Variants in MYO9B observed in about 807,000 individuals in gnomAD.
MYO9B encodes the protein unconventional myosin-IXb.
MYO9B carries 71 observed loss-of-function variants against 229.5 expected under a neutral mutation model. The observed-to-expected ratio is 0.31, with a 90% CI of 0.26 to 0.38. MYO9B has a LOEUF of 0.38. Among genes scored for constraint, MYO9B ranks in the 10% least tolerant of loss-of-function variants. The pLI is 1.00. For synonymous variants in MYO9B, 1,185 were observed against 1,235.8 expected, an observed-to-expected ratio of 0.96 and a Z score of 0.86; for missense variants, 2,255 against 2,920.5, an observed-to-expected ratio of 0.77 and a Z score of 5.25.
intron 2 of MYO9B, among the ~76,000 whole-genome samples, chr19:17,133,749 A>G (rs997581605): frequency 4.0e-5 from 6 of 148,634 alleles, no homozygotes; most frequent in Non-Finnish European, 8.9e-5. Flanking sequence ...CCACAGCACC[A>G]GCCCTACTTT....
chr19:17,113,554 G>A (rs578011094), intron 2 of MYO9B, among the ~76,000 whole-genome samples: 170 of 152,290 alleles, frequency 1.1e-3, no homozygotes, highest in African/African-American at 3.9e-3. Flanking sequence ...ACAGGCAGGC[G>A]TGTGTGGAAG....
At chr19:17,114,780 G>A (rs2057884517) in intron 2 of MYO9B, among the ~76,000 whole-genome samples, 1 of 151,984 alleles carries the variant, frequency 6.6e-6, no homozygotes, top group South Asian at 2.1e-4. Flanking sequence ...TGTGGCTCAG[G>A]TCTCGCTCCT....
At chr19:17,210,153 A>G (rs1350837779) in intron 36 of MYO9B, among the ~76,000 whole-genome samples, 180 bp from the exon 37 acceptor site, 3 of 152,048 alleles carry the variant, frequency 2.0e-5, no homozygotes, top group African/African-American at 4.8e-5. Flanking sequence ...CCACGGGGAA[A>G]TGTTCCCATA....
intron 1 of MYO9B, among the ~76,000 whole-genome samples, chr19:17,076,301 C>T (rs868172806): frequency 6.6e-6 from 1 of 151,648 alleles, no homozygotes; most frequent in Non-Finnish European, 1.5e-5. Context: ...GATCTGGGGA[C>T]GTCTGCCCGC....
chr19:17,077,562 G>A (rs2057497577), intron 1 of MYO9B, among the ~76,000 whole-genome samples: 1 of 152,190 alleles, frequency 6.6e-6, no homozygotes, highest in African/African-American at 2.4e-5. Context: ...GGCCAAGCAG[G>A]GTCTTGTGGG....
At chr19:17,107,215 CAG>C (rs2057800592) in intron 2 of MYO9B, among the ~76,000 whole-genome samples, 2 of 152,126 alleles carry the variant, frequency 1.3e-5, no homozygotes, top group African/African-American at 4.8e-5. Context: ...GCCTGGGTGA[CAG>C]AGCAAGACCC....
intron 38 of MYO9B, 115 bp from the exon 39 acceptor site, chr19:17,211,532 G>T (rs2073229109): frequency 1.0e-6 from 1 of 962,166 alleles, no homozygotes; most frequent in Non-Finnish European, 1.5e-6. Context: ...GCTTGGGGTG[G>T]GGGGAGGTTG....
chr19:17,121,463 A>G (rs191109935), intron 2 of MYO9B, among the ~76,000 whole-genome samples: 3 of 150,002 alleles, frequency 2.0e-5, no homozygotes, highest in East Asian at 3.9e-4. Context: ...ATATATATAT[A>G]TCCAAGAGCT....
At chr19:17,112,456 G>A (rs927705424) in intron 2 of MYO9B, among the ~76,000 whole-genome samples, 4 of 152,206 alleles carry the variant, frequency 2.6e-5, no homozygotes, top group African/African-American at 9.6e-5. Flanking sequence ...GGGCCGGCTG[G>A]CGGGGGCCCT....
At chr19:17,198,015 C>A in intron 23 of MYO9B, 157 bp downstream of exon 23, 1 of 1,315,004 alleles carries the variant, frequency 7.6e-7, no homozygotes, top group South Asian at 1.4e-5. Flanking sequence ...CCTCGCGAGA[C>A]CAGGCCACTG....
intron 2 of MYO9B, among the ~76,000 whole-genome samples, chr19:17,144,220 ATAATAT>A (rs1281954081): frequency 1.3e-5 from 2 of 152,144 alleles, no homozygotes; most frequent in South Asian, 4.1e-4. Context: ...CATCTCAAAA[ATAATAT>A]TAAAAGGTTA....
chr19:17,097,381 G>GTAAAAA (rs558384568), intron 1 of MYO9B, among the ~76,000 whole-genome samples: 25 of 150,052 alleles, frequency 1.7e-4, no homozygotes, highest in South Asian at 1.5e-3. Context: ...ATCTTAGATA[G>GTAAAAA]TAAAAATAAA....
chr19:17,132,540 T>TGAGACAGAG, intron 2 of MYO9B, among the ~76,000 whole-genome samples: 1 of 140,290 alleles, frequency 7.1e-6, no homozygotes, highest in Admixed American at 7.2e-5. Context: ...TTTTTTTTTT[T>TGAGACAGAG]TTTTTTGAGA....
chr19:17,115,872 C>G (rs923175022), intron 2 of MYO9B, among the ~76,000 whole-genome samples: 3 of 151,784 alleles, frequency 2.0e-5, no homozygotes, highest in African/African-American at 7.3e-5. Flanking sequence ...GCTGGAATCT[C>G]TGCATTTGTA....
At chr19:17,103,748 G>A (rs2057767495) in intron 2 of MYO9B, 2 of 152,162 alleles carry the variant, frequency 1.3e-5, no homozygotes, top group Admixed American at 6.6e-5. Flanking sequence ...CCAGATGTCA[G>A]AGCATCAGAA....
intron 1 of MYO9B, chr19:17,095,880 A>T (rs916041157): frequency 1.3e-5 from 2 of 152,116 alleles, no homozygotes; most frequent in Non-Finnish European, 2.9e-5. Context: ...CTCCCGCCTC[A>T]GCCTCCTAAG....
intron 2 of MYO9B, among the ~76,000 whole-genome samples, chr19:17,140,512 G>A (rs1276210137): frequency 8.6e-5 from 13 of 151,040 alleles, no homozygotes; most frequent in African/African-American, 2.4e-4. Context: ...TTTTTGAGAT[G>A]GAGTTCACTC....
At chr19:17,085,039 G>A (rs116338776) in intron 1 of MYO9B, among the ~76,000 whole-genome samples, 5,143 of 152,200 alleles carry the variant, frequency 0.034, 104 homozygotes, top group Middle Eastern at 0.065. Flanking sequence ...AGACCTACAG[G>A]TCAAGCCCGT....
chr19:17,151,795 G>A (rs937055814), intron 3 of MYO9B, among the ~76,000 whole-genome samples: 6 of 152,154 alleles, frequency 3.9e-5, no homozygotes, highest in Non-Finnish European at 7.3e-5. Flanking sequence ...CCACTCGGGA[G>A]GTTGAGGTGG....
Sources: gnomAD v4.1 joint callset for allele counts (sites outside exome capture counted in the v4.1 genomes callset) on GRCh38, gnomAD v4.1.1 for gene constraint, MANE v1.5 for transcripts, NCBI Gene and HGNC (gene_info 2026-07-23, HGNC 2026-07-21) for gene names.